RAD51B: variants seen among roughly 807,000 people sequenced by gnomAD.
RAD51B encodes the protein RAD51 paralog B.
Under a neutral mutation model 42.2 loss-of-function variants are expected in RAD51B, and 38 were observed. That is an observed-to-expected ratio of 0.90 (90% confidence interval 0.70 to 1.18). The LOEUF is 1.18. Ranked by LOEUF, RAD51B falls within the 50% of genes most tolerant of loss-of-function variation. The pLI is 0.00. For missense variants in RAD51B, 373 were observed against 400.7 expected, an observed-to-expected ratio of 0.93 and a Z score of 0.59; for synonymous variants, 154 against 145.2, an observed-to-expected ratio of 1.06 and a Z score of -0.43.
chr14:68,307,659 A>C (rs961089032), intron 8 of RAD51B, among the ~76,000 whole-genome samples: 1 of 152,200 alleles, frequency 6.6e-6, no homozygotes, highest in African/African-American at 2.4e-5. Context: ...CAAAATCTGA[A>C]GTCATTTGTT....
chr14:68,035,314 T>G (rs2076104337), intron 7 of RAD51B, among the ~76,000 whole-genome samples: 1 of 152,192 alleles, frequency 6.6e-6, no homozygotes, highest in African/African-American at 2.4e-5. Context: ...GCCCAAATAC[T>G]CTGTGAAAAC....
intron 8 of RAD51B, among the ~76,000 whole-genome samples, chr14:68,311,355 C>T (rs2081963828): frequency 6.6e-6 from 1 of 152,304 alleles, no homozygotes; most frequent in Admixed American, 6.5e-5. Flanking sequence ...CGTGTTTCTG[C>T]AGCCACTGAT....
At chr14:68,292,043 A>G (rs1595669131) in intron 8 of RAD51B, 63 bp downstream of exon 8, 1 of 1,414,270 alleles carries the variant, frequency 7.1e-7, no homozygotes, top group East Asian at 2.3e-5. Flanking sequence ...CTGCCTCTCC[A>G]CCTCCTGTTG....
At chr14:68,285,447 C>T (rs377288911) in intron 7 of RAD51B, among the ~76,000 whole-genome samples, 17 of 152,304 alleles carry the variant, frequency 1.1e-4, no homozygotes, top group African/African-American at 4.1e-4. Context: ...GGCAGAGCCT[C>T]GTCACTTTGA....
chr14:68,603,154 A>G (rs1396339889), intron 10 of RAD51B, among the ~76,000 whole-genome samples: 1 of 152,072 alleles, frequency 6.6e-6, no homozygotes, highest in Non-Finnish European at 1.5e-5. Context: ...CTAATCCCCC[A>G]TAGTACCCAA....
intron 10 of RAD51B, among the ~76,000 whole-genome samples, chr14:68,525,236 A>G (rs1886849146): frequency 6.6e-6 from 1 of 152,248 alleles, no homozygotes; most frequent in Non-Finnish European, 1.5e-5. Context: ...AAGCTGGAAA[A>G]GGCAAGCAAA....
intron 7 of RAD51B, among the ~76,000 whole-genome samples, chr14:67,972,568 T>C (rs1369852178): frequency 1.3e-5 from 2 of 152,180 alleles, no homozygotes; most frequent in East Asian, 3.8e-4. Context: ...GAAAAGTGAC[T>C]ATTTAATACT....
intron 7 of RAD51B, among the ~76,000 whole-genome samples, chr14:67,905,656 T>G (rs2043759294): frequency 6.6e-6 from 1 of 152,066 alleles, no homozygotes; most frequent in South Asian, 2.1e-4. Flanking sequence ...TCCTAGGTAC[T>G]TTTTTTGTGT....
chr14:68,433,797 C>T lies in RAD51B; in HGVS notation c.957+22270C>T, dbSNP rs141793201. ...TTGTTCCATTGCTGGCGAGGAGCTG[C>T]GTTCCTTTGGAGGGGGAGAGGCACT... On this transcript the variant is annotated intron_variant, in intron 9 of 10. Coordinates refer to ENST00000471583, the MANE Select transcript of RAD51B (RefSeq NM_133510.4). 3.1e-3 allele frequency among the ~76,000 whole-genome samples: 476 copies of T among 152,340 alleles called. 2 individuals carry two copies. The highest frequency in any genetic ancestry group is 0.01 in the African/African-American group (433 of 41,562).
intron 7 of RAD51B, among the ~76,000 whole-genome samples, chr14:67,894,332 C>G (rs1206369331): frequency 2.0e-5 from 3 of 152,136 alleles, no homozygotes; most frequent in Non-Finnish European, 4.4e-5. Context: ...TATTGTATCC[C>G]CCTCTGTCTG....
At chr14:68,003,532 C>G (rs938766690) in intron 7 of RAD51B, among the ~76,000 whole-genome samples, 1 of 152,142 alleles carries the variant, frequency 6.6e-6, no homozygotes, top group Admixed American at 6.5e-5. Context: ...GCCTGTTTCC[C>G]TGGCCAGAAC....
rs1491471305 is a variant in RAD51B at position 67,893,510 on chromosome 14, A to AC, written c.756+6306_756+6307insC. Among the ~76,000 whole-genome samples the AC allele has an allele frequency of 6.2e-3, 336 of 53,922 alleles. 5 individuals carry two copies. The highest frequency in any genetic ancestry group is 0.015 in the South Asian group (23 of 1,508). 35.4% of individuals were successfully genotyped at this position (53,922 alleles called of 152,430 possible). A position where few individuals can be genotyped will look rare whatever the true frequency, so the allele number is the denominator to read the frequency against. On this transcript the variant is annotated intron_variant, in intron 7 of 10. Transcript: ENST00000471583. ...CACACACACACACACACACACACAC[A>AC]AAAAAAAACAATTAGCTGGGTGTGG...
chr14:68,536,673 G>A (rs1887636450), intron 10 of RAD51B, among the ~76,000 whole-genome samples: 1 of 152,134 alleles, frequency 6.6e-6, no homozygotes, highest in Non-Finnish European at 1.5e-5. Flanking sequence ...AAAAATAAAA[G>A]TTCAGTCTTG....
At chr14:68,029,802 T>TGTAAGG (rs2076012916) in intron 7 of RAD51B, among the ~76,000 whole-genome samples, 1 of 152,214 alleles carries the variant, frequency 6.6e-6, no homozygotes, top group African/African-American at 2.4e-5. Context: ...CGAATCCGTA[T>TGTAAGG]CTGTGGCACT....
chr14:68,674,150 TAC>T (rs915212104), intron 11 of RAD51B, among the ~76,000 whole-genome samples: 1 of 151,114 alleles, frequency 6.6e-6, no homozygotes, highest in Non-Finnish European at 1.5e-5. Context: ...TACAATACTG[TAC>T]ACACATATAT....
intron 7 of RAD51B, among the ~76,000 whole-genome samples, chr14:68,152,697 C>T (rs1172019518): frequency 6.7e-6 from 1 of 149,618 alleles, no homozygotes; most frequent in Non-Finnish European, 1.5e-5. Context: ...TATTTCATTA[C>T]CTAGGTACTA....
intron 7 of RAD51B, among the ~76,000 whole-genome samples, chr14:68,065,495 G>A (rs944351914): frequency 6.6e-6 from 1 of 152,140 alleles, no homozygotes; most frequent in African/African-American, 2.4e-5. Context: ...TGAGGTGTCA[G>A]GCTAGTCCAT....
chr14:68,581,561 A>T (rs533396622), intron 10 of RAD51B, among the ~76,000 whole-genome samples: 1 of 152,286 alleles, frequency 6.6e-6, no homozygotes, highest in Non-Finnish European at 1.5e-5. Flanking sequence ...CCTGGAAAGA[A>T]ATGTCGGGCC....
At chr14:68,610,385 G>A (rs887363140) in intron 10 of RAD51B, among the ~76,000 whole-genome samples, 2 of 152,110 alleles carry the variant, frequency 1.3e-5, no homozygotes, top group African/African-American at 2.4e-5. Context: ...CAGCCTTTGG[G>A]CCTCGCTTCC....
Sources: gnomAD v4.1 joint callset for allele counts (sites outside exome capture counted in the v4.1 genomes callset) on GRCh38, gnomAD v4.1.1 for gene constraint, MANE v1.5 for transcripts, NCBI Gene and HGNC (gene_info 2026-07-23, HGNC 2026-07-21) for gene names.